Variants in CACNA2D1 observed in about 807,000 individuals in gnomAD.
The protein encoded by CACNA2D1 is voltage-dependent calcium channel subunit alpha-2/delta-1.
CACNA2D1 carries 53 observed loss-of-function variants against 171.5 expected under a neutral mutation model. The ratio of observed to expected loss-of-function variants is 0.31; its 90% CI spans 0.25 to 0.39. The LOEUF (loss-of-function observed/expected upper bound fraction) is 0.39, where lower values mean the gene tolerates loss of function less well. Ranked by LOEUF, CACNA2D1 falls within the 10% of genes least tolerant of loss-of-function variation. The probability of loss-of-function intolerance (pLI) is 1.00; values close to 1 mark genes in which losing one functional copy is unlikely to be tolerated. For synonymous variants in CACNA2D1, 442 were observed against 443.1 expected (o/e 1.00, Z 0.03); for missense variants, 903 against 1,299.8 (o/e 0.69, Z 4.69).
At chr7:82,142,371 A>G (rs191430165) in intron 4 of CACNA2D1, among the ~76,000 whole-genome samples, 3 of 152,276 alleles carry the variant, frequency 2.0e-5, no homozygotes, top group Non-Finnish European at 4.4e-5. Flanking sequence ...CAAAAATTAA[A>G]TCTGAGCAAA....
intron 5 of CACNA2D1, among the ~76,000 whole-genome samples, 156 bp downstream of exon 5, chr7:82,136,479 C>T (rs139883973): frequency 6.6e-6 from 1 of 151,870 alleles, no homozygotes; most frequent in Non-Finnish European, 1.5e-5. Flanking sequence ...TTAAAAATCA[C>T]AAAAGTTCTT....
chr7:82,411,787 T>C (rs1241785358), intron 1 of CACNA2D1, among the ~76,000 whole-genome samples: 1 of 151,960 alleles, frequency 6.6e-6, no homozygotes, highest in Non-Finnish European at 1.5e-5. Flanking sequence ...GCAATAGGCA[T>C]GCACAGGACA....
intron 38 of CACNA2D1, among the ~76,000 whole-genome samples, chr7:81,956,845 G>GTAAATGAAGAAC (rs79221861): frequency 0.4 from 60,881 of 151,352 alleles, 12,399 homozygotes; most frequent in East Asian, 0.51. Flanking sequence ...TTGCAAAACA[G>GTAAATGAAGAAC]TAAATGAAGA....
At chr7:82,348,223 T>C (rs891784010) in intron 2 of CACNA2D1, among the ~76,000 whole-genome samples, 9 of 149,918 alleles carry the variant, frequency 6.0e-5, no homozygotes, top group African/African-American at 1.9e-4. Context: ...GAAGATTTGG[T>C]GGTACTTCCA....
intron 3 of CACNA2D1, among the ~76,000 whole-genome samples, chr7:82,289,573 A>G (rs112238907): frequency 9.5e-4 from 145 of 152,358 alleles, no homozygotes; most frequent in Non-Finnish European, 1.8e-3. Context: ...AAGGTCTTTC[A>G]TTAAAAAATT....
chr7:82,164,861 C>G (rs1795278469), intron 4 of CACNA2D1, among the ~76,000 whole-genome samples: 1 of 151,850 alleles, frequency 6.6e-6, no homozygotes, highest in Non-Finnish European at 1.5e-5. Flanking sequence ...ACAGTACACT[C>G]CCATTTTAAT....
chr7:82,184,169 C>CT (rs72155870), intron 3 of CACNA2D1, among the ~76,000 whole-genome samples: 43,472 of 127,244 alleles, frequency 0.34, 7,493 homozygotes, highest in East Asian at 0.48. Flanking sequence ...TCGGTTTCCT[C>CT]TTTTTTTTTT....
At chr7:82,270,572 T>C (rs1165906490) in intron 3 of CACNA2D1, among the ~76,000 whole-genome samples, 2 of 152,164 alleles carry the variant, frequency 1.3e-5, no homozygotes, top group Non-Finnish European at 2.9e-5. Context: ...ATGTATTCAT[T>C]TCTGTTGGAA....
chr7:82,313,171 A>C (rs955449716), intron 3 of CACNA2D1, among the ~76,000 whole-genome samples: 8 of 152,082 alleles, frequency 5.3e-5, no homozygotes, highest in Non-Finnish European at 1.5e-5. Context: ...TTGTCAATCT[A>C]TCTCACAATC....
chr7:81,973,677 G>C (rs1795532798), intron 25 of CACNA2D1, among the ~76,000 whole-genome samples: 1 of 151,942 alleles, frequency 6.6e-6, no homozygotes, highest in Non-Finnish European at 1.5e-5. Flanking sequence ...TTTTATTTAT[G>C]AAGATAAATT....
At chr7:82,175,168 T>C (rs1585005440) in intron 3 of CACNA2D1, among the ~76,000 whole-genome samples, 1 of 152,102 alleles carries the variant, frequency 6.6e-6, no homozygotes, top group African/African-American at 2.4e-5. Context: ...AAATTTTCTT[T>C]TGATAGCTTT....
chr7:82,340,340 T>A (rs1818470666), intron 2 of CACNA2D1, among the ~76,000 whole-genome samples: 1 of 149,670 alleles, frequency 6.7e-6, no homozygotes, highest in African/African-American at 2.4e-5. Context: ...GTTTGTTTTT[T>A]GTTTTTTTTT....
chr7:82,309,221 C>T (rs981903077), intron 3 of CACNA2D1, among the ~76,000 whole-genome samples: 9 of 152,042 alleles, frequency 5.9e-5, no homozygotes, highest in Non-Finnish European at 1.3e-4. Flanking sequence ...ACCTGGCCAA[C>T]ATGACGAAAC....
Position 82,032,788 on chromosome 7 carries a change from T to C in CACNA2D1, c.1143+9A>G. ...TATTAAAATTTAAATATTATAAAATTACACTCACTTTTTTATCTTTATTGT... is the reference window on the plus strand; with the variant it reads ...TATTAAAATTTAAATATTATAAAATCACACTCACTTTTTTATCTTTATTGT... On this transcript the variant is annotated intron_variant, in intron 12 of 38. Transcript: ENST00000356860. 7.2e-7 allele frequency: 1 copy of C among 1,397,062 alleles called. No homozygotes were observed. The highest frequency in any genetic ancestry group is 1.0e-6 in the Non-Finnish European group (1 of 991,300). The allele number at this position is 1,397,062 out of a possible 1,614,324, so 86.5% of individuals were successfully genotyped here.
chr7:82,278,721 T>G (rs376698475), intron 3 of CACNA2D1, among the ~76,000 whole-genome samples: 1 of 152,128 alleles, frequency 6.6e-6, no homozygotes, highest in South Asian at 2.1e-4. Context: ...CAAACAGAAA[T>G]TAATAATAAC....
chr7:82,061,026 C>T (rs1266931909), intron 9 of CACNA2D1, among the ~76,000 whole-genome samples: 4 of 152,026 alleles, frequency 2.6e-5, no homozygotes, highest in Non-Finnish European at 4.4e-5. Flanking sequence ...ATTTTTCTTT[C>T]CTCTACATAT....
At chr7:82,003,908 G>T (rs911716602) in intron 18 of CACNA2D1, among the ~76,000 whole-genome samples, 1 of 152,080 alleles carries the variant, frequency 6.6e-6, no homozygotes, top group East Asian at 1.9e-4. Flanking sequence ...ACCACACCCG[G>T]CTAATTTTGT....
chr7:82,200,139 T>G lies in CACNA2D1; in HGVS notation c.295-29530A>C, dbSNP rs73164221. Among the ~76,000 whole-genome samples, 372 of 152,264 alleles carry G rather than the reference T, an allele frequency of 2.4e-3. 13 individuals carry two copies. The highest frequency in any genetic ancestry group is 3.2e-3 in the Non-Finnish European group (218 of 67,968). ...ATGTGTGCAAACACACATATACGTA[T>G]GTATAACAAAGCCTGCAGCAAAATA... On this transcript the variant is annotated intron_variant, in intron 3 of 38. Transcript: ENST00000356860.
chr7:81,948,990 C>T lies in CACNA2D1; in HGVS notation c.*1402G>A, dbSNP rs1391777400. 1 of 151,944 alleles carries T rather than the reference C, an allele frequency of 6.6e-6. No homozygotes were observed. Among genetic ancestry groups the T allele is most frequent in the Non-Finnish European group, 1.5e-5 (1 of 67,924 alleles). The allele number at this position is 151,944 out of a possible 1,614,324, so 9.4% of individuals were successfully genotyped here. A position where few individuals can be genotyped will look rare whatever the true frequency, so the allele number is the denominator to read the frequency against. ...GTATTCATGTGCATACATAGAGATT[C>T]AAGGTTTCCTATTTGTTCAGATTAT... On this transcript the variant is annotated 3_prime_UTR_variant, in exon 39 of 39. Transcript: ENST00000356860.
Sources: gnomAD v4.1 joint callset for allele counts (sites outside exome capture counted in the v4.1 genomes callset) on GRCh38, gnomAD v4.1.1 for gene constraint, MANE v1.5 for transcripts, NCBI Gene and HGNC (gene_info 2026-07-23, HGNC 2026-07-21) for gene names.